Variants in PPFIA2 observed in about 807,000 individuals in gnomAD.
The protein encoded by PPFIA2 is liprin-alpha-2.
In PPFIA2, 46 loss-of-function variants were observed where a neutral mutation model predicts 175.5. That is an observed-to-expected ratio of 0.26 (90% CI 0.21 to 0.34). PPFIA2 has a LOEUF of 0.34. Among genes scored for constraint, PPFIA2 ranks in the 10% least tolerant of loss-of-function variants. The pLI, the probability that PPFIA2 is intolerant of heterozygous loss-of-function variation, is 1.00. For missense variants in PPFIA2, 1,179 were observed against 1,506.1 expected, an observed-to-expected ratio of 0.78 and a Z score of 3.60; for synonymous variants, 568 against 511.4, an observed-to-expected ratio of 1.11 and a Z score of -1.49.
chr12:81,282,067 C>A (rs570408811), intron 26 of PPFIA2, among the ~76,000 whole-genome samples: 23 of 152,056 alleles, frequency 1.5e-4, no homozygotes, highest in Non-Finnish European at 3.1e-4. Flanking sequence ...AGGACAGGAT[C>A]AAAAACTAAG....
intron 8 of PPFIA2, among the ~76,000 whole-genome samples, chr12:81,396,050 A>C (rs1175732474): frequency 6.6e-6 from 1 of 152,160 alleles, no homozygotes. Context: ...AGAGGGTGGA[A>C]GAAAATTTTC....
chr12:81,410,523 C>G (rs1411444558), intron 7 of PPFIA2, among the ~76,000 whole-genome samples: 2 of 152,026 alleles, frequency 1.3e-5, no homozygotes, highest in Non-Finnish European at 2.9e-5. Context: ...CCACTGAAGG[C>G]TCATGGAACT....
At chr12:81,622,948 G>C (rs2153483375) in intron 4 of PPFIA2, among the ~76,000 whole-genome samples, 1 of 152,206 alleles carries the variant, frequency 6.6e-6, no homozygotes, top group African/African-American at 2.4e-5. Flanking sequence ...ATGTGAGTAA[G>C]AATATACACA....
chr12:81,711,961 T>C (rs940118811), intron 3 of PPFIA2, among the ~76,000 whole-genome samples: 2 of 151,326 alleles, frequency 1.3e-5, no homozygotes, highest in Non-Finnish European at 2.9e-5. Context: ...TTCAAAATTT[T>C]TCAGTTGCAT....
chr12:81,261,980 G>T lies in PPFIA2; in HGVS notation c.*2C>A. 6.2e-7 allele frequency: 1 copy of T among 1,603,518 alleles called. No individual in the cohort carries two copies. Among genetic ancestry groups the T allele is most frequent in the Non-Finnish European group, 8.5e-7 (1 of 1,174,996 alleles). On this transcript the variant is annotated 3_prime_UTR_variant, in exon 32 of 33. Transcript: ENST00000549396. ...TCAGTGCTGCCTCCTTTGAGTGGCT[G>T]GTCAACATGAGTATGTGCGAACAGT...
Position 81,556,169 on chromosome 12 carries a change from T to A in PPFIA2, c.304-98303A>T, listed in dbSNP as rs570655439. On this transcript the variant is annotated intron_variant, in intron 4 of 32. Coordinates refer to ENST00000549396, the MANE Select transcript of PPFIA2 (RefSeq NM_003625.5). ...TATATTATATATTCCAACTTTTCAA[T>A]TATCTTTACTTATTCATCAAAATGA... is the stretch of plus-strand genomic sequence containing the variant. Among the ~76,000 whole-genome samples the A allele has an allele frequency of 3.9e-5, 6 of 152,090 alleles. No individual in the cohort carries two copies. The South Asian group carries it at 1.0e-3, about 26-fold the overall frequency.
At chr12:81,558,959 A>AATACATG (rs1284335854) in intron 4 of PPFIA2, among the ~76,000 whole-genome samples, 1 of 152,210 alleles carries the variant, frequency 6.6e-6, no homozygotes, top group Non-Finnish European at 1.5e-5. Flanking sequence ...ACTTATTCTG[A>AATACATG]TAAGTTCTTG....
chr12:81,702,338 T>C (rs2076597405), intron 3 of PPFIA2, among the ~76,000 whole-genome samples: 1 of 152,158 alleles, frequency 6.6e-6, no homozygotes, highest in Non-Finnish European at 1.5e-5. Flanking sequence ...TCTATTGCCA[T>C]TGACTGCCAA....
chr12:81,369,231 G>T, intron 11 of PPFIA2, 37 bp from the exon 12 acceptor site: 1 of 1,592,112 alleles, frequency 6.3e-7, no homozygotes, highest in Non-Finnish European at 8.6e-7. Flanking sequence ...TGAAATGTAA[G>T]ATTTGGTTAA....
chr12:81,620,559 C>T (rs377260647), intron 4 of PPFIA2, among the ~76,000 whole-genome samples: 2 of 152,226 alleles, frequency 1.3e-5, no homozygotes, highest in South Asian at 4.1e-4. Flanking sequence ...GAATGCCTAA[C>T]GAACCGTATG....
At chr12:81,732,497 G>A (rs1176736939) in intron 3 of PPFIA2, among the ~76,000 whole-genome samples, 3 of 133,126 alleles carry the variant, frequency 2.3e-5, no homozygotes, top group Non-Finnish European at 4.9e-5. Flanking sequence ...AAAGAAATAT[G>A]GATGATGTTT....
chr12:81,340,766 T>C (rs2057907908), intron 20 of PPFIA2, among the ~76,000 whole-genome samples: 1 of 152,076 alleles, frequency 6.6e-6, no homozygotes, highest in Admixed American at 6.6e-5. Context: ...TAGTTTTTTG[T>C]TAATATTTCT....
At chr12:81,314,731 A>G (rs1429829796) in intron 22 of PPFIA2, among the ~76,000 whole-genome samples, 1 of 151,954 alleles carries the variant, frequency 6.6e-6, no homozygotes, top group Non-Finnish European at 1.5e-5. Flanking sequence ...TCATTAAATG[A>G]GTTTTATATT....
chr12:81,487,739 GAAAC>G (rs1472205662), intron 4 of PPFIA2, among the ~76,000 whole-genome samples: 2 of 151,702 alleles, frequency 1.3e-5, no homozygotes, highest in African/African-American at 4.8e-5. Flanking sequence ...TTTAAGGCAA[GAAAC>G]AAACAGTGTA....
At chr12:81,461,141 T>C (rs1163932626) in intron 4 of PPFIA2, among the ~76,000 whole-genome samples, 4 of 152,140 alleles carry the variant, frequency 2.6e-5, no homozygotes, top group Non-Finnish European at 5.9e-5. Context: ...TTAGCTTTAT[T>C]ACTTACAGAA....
intron 8 of PPFIA2, among the ~76,000 whole-genome samples, chr12:81,391,189 C>A (rs1477680688): frequency 2.6e-5 from 4 of 151,822 alleles, no homozygotes; most frequent in Non-Finnish European, 5.9e-5. Context: ...GAGCAGAAAG[C>A]AGAGAATATC....
chr12:81,365,887 C>A (rs563737275), intron 14 of PPFIA2, among the ~76,000 whole-genome samples: 118 of 151,700 alleles, frequency 7.8e-4, no homozygotes, highest in African/African-American at 2.7e-3. Context: ...TATGCAGCAT[C>A]CAGTAGGGTT....
At chr12:81,539,185 G>T (rs1348384953) in intron 4 of PPFIA2, among the ~76,000 whole-genome samples, 3 of 151,878 alleles carry the variant, frequency 2.0e-5, no homozygotes, top group African/African-American at 7.3e-5. Flanking sequence ...CAAGAGTTCT[G>T]CTTTAAGATA....
At chr12:81,439,565 G>T (rs2049772028) in intron 7 of PPFIA2, among the ~76,000 whole-genome samples, 1 of 152,252 alleles carries the variant, frequency 6.6e-6, no homozygotes, top group African/African-American at 2.4e-5. Context: ...GCTTTTAGAA[G>T]ATAAGAATAG....
Sources: allele counts gnomAD v4.1 joint callset (sites outside exome capture counted in the v4.1 genomes callset), GRCh38; gene constraint gnomAD v4.1.1; transcripts MANE v1.5; gene names NCBI Gene and HGNC (gene_info 2026-07-23, HGNC 2026-07-21).